The following KCNG3 variants were observed in gnomAD, a reference collection of about 807,000 sequenced individuals.
KCNG3 encodes potassium voltage-gated channel modifier subfamily G member 3.
In KCNG3, 15 loss-of-function variants were observed where a neutral mutation model predicts 29.0. The observed-to-expected ratio is 0.52, with a 90% CI of 0.35 to 0.80. The LOEUF (loss-of-function observed/expected upper bound fraction) is 0.80, where lower values mean the gene tolerates loss of function less well. Ranked by LOEUF, KCNG3 falls within the 30% of genes least tolerant of loss-of-function variation. The probability of loss-of-function intolerance (pLI) is 0.01; values close to 1 mark genes in which losing one functional copy is unlikely to be tolerated. For missense variants in KCNG3, 512 were observed against 605.7 expected (o/e 0.85, Z 1.62); for synonymous variants, 322 against 248.9 (o/e 1.29, Z -2.76).
At chr2:42,483,158 T>C (rs535134114) in intron 1 of KCNG3, among the ~76,000 whole-genome samples, 43 of 152,230 alleles carry the variant, frequency 2.8e-4, no homozygotes, top group African/African-American at 7.7e-4. Flanking sequence ...TTCTATTTTT[T>C]TAATTACGTT....
intron 1 of KCNG3, among the ~76,000 whole-genome samples, chr2:42,446,139 G>A (rs990856375): frequency 6.6e-6 from 1 of 151,956 alleles, no homozygotes; most frequent in Non-Finnish European, 1.5e-5. Context: ...GGCCCTGTGA[G>A]CTGTAATTTG....
chr2:42,460,406 T>C (rs931989021), intron 1 of KCNG3, among the ~76,000 whole-genome samples: 2 of 152,072 alleles, frequency 1.3e-5, no homozygotes, highest in African/African-American at 4.8e-5. Context: ...AATAAAAAGA[T>C]TTTTAAAAGA....
chr2:42,486,148 G>C (rs62144791), intron 1 of KCNG3, among the ~76,000 whole-genome samples: 5,159 of 152,298 alleles, frequency 0.034, 112 homozygotes, highest in Non-Finnish European at 0.054. Flanking sequence ...ACTGGATTCA[G>C]GCTTACTGTG....
At chr2:42,438,077 G>T (rs1037160638), downstream of KCNG3, among the ~76,000 whole-genome samples, 5 of 151,478 alleles carry the variant, frequency 3.3e-5, no homozygotes, top group East Asian at 9.7e-4. Context: ...CCTCTATATT[G>T]TAGAGAAAGA....
chr2:42,491,321 T>C (rs1673870886), intron 1 of KCNG3, among the ~76,000 whole-genome samples: 1 of 152,134 alleles, frequency 6.6e-6, no homozygotes, highest in Non-Finnish European at 1.5e-5. Flanking sequence ...TAAGATTATA[T>C]TTGAGGTATT....
chr2:42,471,157 TGTG>T (rs1399800599), intron 1 of KCNG3, among the ~76,000 whole-genome samples: 2 of 119,610 alleles, frequency 1.7e-5, no homozygotes, highest in Non-Finnish European at 3.4e-5. Context: ...CTCAAAAAAG[TGTG>T]TGTGTGTGTG....
rs1319499528 is a variant in KCNG3 at position 42,463,314 on chromosome 2, T to C, written c.666-18735A>G. 4 of 79,496 alleles carry C rather than the reference T, an allele frequency of 5.0e-5. No individual in the cohort carries two copies. The East Asian group carries it at 1.3e-3, about 26-fold the overall frequency. 4.9% of individuals were successfully genotyped at this position (79,496 alleles called of 1,614,324 possible). On this transcript the variant is annotated intron_variant, in intron 1 of 1. Coordinates refer to ENST00000306078, the MANE Select transcript of KCNG3 (RefSeq NM_133329.6). ...GAAGCAGGCATCAGGGTCCATCTGA[T>C]ACTTGCCTGCTGTAGTGAGTGTTAT...
chr2:42,457,627 T>TCACACACACACACACACACACACA (rs56251665), intron 1 of KCNG3, among the ~76,000 whole-genome samples: 2 of 125,434 alleles, frequency 1.6e-5, no homozygotes, highest in Admixed American at 8.6e-5. Flanking sequence ...CAGGCAGATC[T>TCACACACACACACACACACACACA]CACACACACA....
chr2:42,428,475 A>AAG, the KCNG3 span, among the ~76,000 whole-genome samples: 84 of 143,878 alleles, frequency 5.8e-4, no homozygotes, highest in East Asian at 6.0e-3. Context: ...AAAAAAAAAA[A>AAG]AAAGAAAAGA....
chr2:42,410,878 TAAG>T, the KCNG3 span, among the ~76,000 whole-genome samples: 1 of 152,214 alleles, frequency 6.6e-6, no homozygotes, highest in African/African-American at 2.4e-5. Flanking sequence ...ATGCCACAGT[TAAG>T]AAGGAATTCT....
rs545787919 is a variant in KCNG3 at position 42,442,020 on chromosome 2, A to C, written c.*1914T>G. On this transcript the variant is annotated 3_prime_UTR_variant, in exon 2 of 2. Coordinates refer to ENST00000306078, the MANE Select transcript of KCNG3 (RefSeq NM_133329.6). The stretch of plus-strand genomic sequence containing the variant: ...AGCGGTCCCAGTACCAGTAAAATTG[A>C]TGGTTATCATATTTTTATTAGTAAT... 3.9e-5 allele frequency: 6 copies of C among 151,996 alleles called. No homozygotes were observed. The South Asian group carries it at 8.3e-4, about 21-fold the overall frequency. The allele number at this position is 151,996 out of a possible 1,614,324, so 9.4% of individuals were successfully genotyped here.
At chr2:42,445,972 C>T (rs1392448145) in intron 1 of KCNG3, among the ~76,000 whole-genome samples, 1 of 151,834 alleles carries the variant, frequency 6.6e-6, no homozygotes, top group Non-Finnish European at 1.5e-5. Flanking sequence ...GTTGTTCTGC[C>T]CACCTCAGCC....
At chr2:42,433,736 T>TCAAAA in the KCNG3 span, among the ~76,000 whole-genome samples, 14 of 151,918 alleles carry the variant, frequency 9.2e-5, no homozygotes, top group South Asian at 2.1e-4. Context: ...AAACTCTGTC[T>TCAAAA]CAAAACAAAA....
chr2:42,428,458 G>GAAAAA, the KCNG3 span, among the ~76,000 whole-genome samples: 29 of 104,458 alleles, frequency 2.8e-4, 2 homozygotes, highest in African/African-American at 3.7e-4. Context: ...CCCGGTCTCG[G>GAAAAA]GAAAAAAAAA....
At chr2:42,405,975 T>G in the KCNG3 span, among the ~76,000 whole-genome samples, 58 of 151,796 alleles carry the variant, frequency 3.8e-4, no homozygotes, top group Non-Finnish European at 2.4e-4. Context: ...ACTCCTGACC[T>G]CAGGTGATCC....
At chr2:42,474,893 C>T (rs1347343123) in intron 1 of KCNG3, among the ~76,000 whole-genome samples, 3 of 152,130 alleles carry the variant, frequency 2.0e-5, no homozygotes, top group Admixed American at 6.6e-5. Context: ...GAGGAGCCAG[C>T]CTGCCTTACT....
chr2:42,448,032 CTAATG>C, intron 1 of KCNG3, among the ~76,000 whole-genome samples: 1 of 152,304 alleles, frequency 6.6e-6, no homozygotes. Context: ...CACGGCCTCA[CTAATG>C]TAAAGTATTG....
chr2:42,449,831 G>C (rs1032096538), intron 1 of KCNG3, among the ~76,000 whole-genome samples: 7 of 152,140 alleles, frequency 4.6e-5, no homozygotes, highest in Non-Finnish European at 7.3e-5. Flanking sequence ...ACTTAAAAGG[G>C]ATTGCAGGAG....
the KCNG3 span, among the ~76,000 whole-genome samples, chr2:42,423,543 G>C: frequency 1.3e-5 from 2 of 152,298 alleles, no homozygotes; most frequent in East Asian, 3.9e-4. Flanking sequence ...TTTGGTACAT[G>C]CTGAACCCTA....
Sources: gnomAD v4.1 joint callset for allele counts (sites outside exome capture counted in the v4.1 genomes callset) on GRCh38, gnomAD v4.1.1 for gene constraint, MANE v1.5 for transcripts, NCBI Gene and HGNC (gene_info 2026-07-23, HGNC 2026-07-21) for gene names.